Variants in POFUT3 observed in about 807,000 individuals in gnomAD.
POFUT3 encodes the protein GDP-fucose protein O-fucosyltransferase 3.
the POFUT3 span, among the ~76,000 whole-genome samples, chr8:33,424,304 G>A: frequency 6.6e-6 from 1 of 152,100 alleles, no homozygotes; most frequent in Non-Finnish European, 1.5e-5. Flanking sequence ...ACTCCTTTGT[G>A]CCTGTAACAC....
At chr8:33,361,579 G>A in the POFUT3 span, among the ~76,000 whole-genome samples, 2 of 152,186 alleles carry the variant, frequency 1.3e-5, no homozygotes, top group African/African-American at 4.8e-5. Flanking sequence ...AAGCATTTCT[G>A]TTATAATTCC....
the POFUT3 span, among the ~76,000 whole-genome samples, chr8:33,412,180 C>T: frequency 6.6e-6 from 1 of 152,076 alleles, no homozygotes; most frequent in Non-Finnish European, 1.5e-5. Context: ...TAAGTAAAAC[C>T]CACGGGCTTT....
the POFUT3 span, among the ~76,000 whole-genome samples, chr8:33,464,748 T>C: frequency 6.6e-6 from 1 of 152,126 alleles, no homozygotes; most frequent in African/African-American, 2.4e-5. Flanking sequence ...CCACTGCACT[T>C]AGCTTGGGTG....
chr8:33,447,081 G>T, the POFUT3 span, among the ~76,000 whole-genome samples: 2 of 152,204 alleles, frequency 1.3e-5, no homozygotes, highest in Non-Finnish European at 2.9e-5. Flanking sequence ...TGTATGGAGA[G>T]ATACTTCATC....
chr8:33,415,428 A>G, the POFUT3 span, among the ~76,000 whole-genome samples: 1 of 152,172 alleles, frequency 6.6e-6, no homozygotes. Flanking sequence ...CCCAGGGGAC[A>G]CTTGGAAAGT....
the POFUT3 span, among the ~76,000 whole-genome samples, chr8:33,427,670 C>A: frequency 6.6e-6 from 1 of 152,170 alleles, no homozygotes; most frequent in Admixed American, 6.5e-5. Context: ...GCTTGGAAAG[C>A]AGACGACAAG....
the POFUT3 span, among the ~76,000 whole-genome samples, chr8:33,461,924 C>A: frequency 6.6e-6 from 1 of 151,458 alleles, no homozygotes; most frequent in African/African-American, 2.4e-5. Flanking sequence ...CTTTGTGAGG[C>A]CAAGGCAGGT....
the POFUT3 span, among the ~76,000 whole-genome samples, chr8:33,380,037 T>TACTATATATATAC: frequency 4.2e-5 from 3 of 70,662 alleles, no homozygotes; most frequent in South Asian, 4.8e-4. Context: ...ACTATATATA[T>TACTATATATATAC]ACGATATATA....
At chr8:33,328,736 C>A in the POFUT3 span, among the ~76,000 whole-genome samples, 1 of 152,124 alleles carries the variant, frequency 6.6e-6, no homozygotes, top group African/African-American at 2.4e-5. Context: ...AAACATGAAC[C>A]AATTGTCATG....
chr8:33,403,641 G>A, the POFUT3 span, among the ~76,000 whole-genome samples: 1 of 152,084 alleles, frequency 6.6e-6, no homozygotes, highest in Non-Finnish European at 1.5e-5. Flanking sequence ...ATGATGGCTT[G>A]AGCCCAAGAG....
chr8:33,436,568 T>C, the POFUT3 span: 2 of 902,742 alleles, frequency 2.2e-6, no homozygotes, highest in Non-Finnish European at 3.7e-6. Context: ...TCTGCAGTTC[T>C]GTCTTCTATG....
chr8:33,315,213 T>C, the POFUT3 span, among the ~76,000 whole-genome samples: 4 of 152,172 alleles, frequency 2.6e-5, no homozygotes, highest in Non-Finnish European at 4.4e-5. Flanking sequence ...TCACTCAAAA[T>C]GAATTTGTGT....
At chr8:33,450,011 C>T in the POFUT3 span, among the ~76,000 whole-genome samples, 1 of 145,440 alleles carries the variant, frequency 6.9e-6, no homozygotes, top group Non-Finnish European at 1.5e-5. Context: ...AATCTCGGCT[C>T]ACTGCAACCT....
chr8:33,356,862 AGGGATCCAGTTTCAGCTTTCTCCATATGG>A, the POFUT3 span, among the ~76,000 whole-genome samples: 1 of 152,284 alleles, frequency 6.6e-6, no homozygotes, highest in African/African-American at 2.4e-5. Context: ...GGTGTAAGGA[AGGGATCCAGTTTCAGCTTTCTCCATATGG>A]CTAGCCAGTT....
chr8:33,374,254 G>A, the POFUT3 span, among the ~76,000 whole-genome samples: 5 of 152,228 alleles, frequency 3.3e-5, no homozygotes, highest in African/African-American at 9.6e-5. Flanking sequence ...TAGGTCTCTG[G>A]TGCCAAAAAG....
At chr8:33,405,481 T>C in the POFUT3 span, among the ~76,000 whole-genome samples, 59 of 151,286 alleles carry the variant, frequency 3.9e-4, 1 homozygote, top group South Asian at 0.011. Flanking sequence ...CATTCAGTTA[T>C]TCTTTACAAA....
chr8:33,452,056 C>A, the POFUT3 span: 15 of 150,608 alleles, frequency 1.0e-4, no homozygotes, highest in Non-Finnish European at 2.1e-4. Flanking sequence ...TCAGTATATA[C>A]GTGTGTATAT....
At chr8:33,336,613 C>T in the POFUT3 span, among the ~76,000 whole-genome samples, 1 of 152,076 alleles carries the variant, frequency 6.6e-6, no homozygotes, top group Non-Finnish European at 1.5e-5. Context: ...AAAAGGTATT[C>T]AGAAAGCCTG....
chr8:33,368,049 C>G, the POFUT3 span, among the ~76,000 whole-genome samples: 7 of 152,028 alleles, frequency 4.6e-5, no homozygotes, highest in Non-Finnish European at 1.0e-4. Context: ...CTCAAAATGC[C>G]CTTGGAGGCA....
Sources: gnomAD v4.1 joint callset for allele counts (sites outside exome capture counted in the v4.1 genomes callset) on GRCh38, gnomAD v4.1.1 for gene constraint, MANE v1.5 for transcripts, NCBI Gene and HGNC (gene_info 2026-07-23, HGNC 2026-07-21) for gene names.